OXR1: variants seen among roughly 807,000 people sequenced by gnomAD.
The protein encoded by OXR1 is oxidation resistance 1, also known as oxidation resistance protein 1.
A neutral mutation model predicts 104.6 loss-of-function variants in OXR1; 41 were observed. The ratio of observed to expected loss-of-function variants is 0.39; its 90% CI spans 0.31 to 0.51. The LOEUF is 0.51. OXR1 is among the 20% of genes least tolerant of loss of function. OXR1 has a pLI of 0.77. For missense variants in OXR1, 955 were observed against 1,031.9 expected (o/e 0.93, Z 1.02); for synonymous variants, 348 against 348.4 (o/e 1.00, Z 0.01).
intron 2 of OXR1, among the ~76,000 whole-genome samples, chr8:106,487,302 A>G (rs2510828): frequency 0.11 from 15,982 of 144,948 alleles, 945 homozygotes; most frequent in African/African-American, 0.15. Context: ...GGGATTACAG[A>G]TGTGAGCCAC....
In OXR1 at chr8:106,671,998, TAATAATAAA is replaced by T. The variant is rs1469369295; in HGVS notation, c.221-7210_221-7202del. 2.6e-3 allele frequency among the ~76,000 whole-genome samples: 376 copies of T among 144,376 alleles called. 1 individual carries two copies. Among genetic ancestry groups the T allele is most frequent in the East Asian group, 0.018 (85 of 4,752 alleles). The allele number at this position is 144,376 out of a possible 152,430, so 94.7% of individuals were successfully genotyped here. On this transcript the variant is annotated intron_variant, in intron 3 of 16. Transcript: ENST00000517566. ...ATAATAATAATAATAATAATAATAA[TAATAATAAA>T]AGGCTGTGAGGAGTCAGTAATTCAG... is the stretch of plus-strand genomic sequence containing the variant.
chr8:106,748,422 C>T (rs775081718), intron 16 of OXR1, among the ~76,000 whole-genome samples: 2 of 152,058 alleles, frequency 1.3e-5, no homozygotes, highest in Non-Finnish European at 2.9e-5. Flanking sequence ...AGAACGTCAT[C>T]ACTGGTTATC....
chr8:106,466,912 C>T (rs1353395373), intron 2 of OXR1, among the ~76,000 whole-genome samples: 2 of 151,844 alleles, frequency 1.3e-5, no homozygotes, highest in African/African-American at 2.4e-5. Context: ...TATTGTACAG[C>T]TGATAAATGA....
intron 3 of OXR1, among the ~76,000 whole-genome samples, chr8:106,580,184 A>C (rs994767502): frequency 6.6e-6 from 1 of 152,194 alleles, no homozygotes; most frequent in Non-Finnish European, 1.5e-5. Flanking sequence ...TAATAGTAAA[A>C]GCCATCTCCA....
chr8:106,732,962 C>T (rs907852699), intron 11 of OXR1, among the ~76,000 whole-genome samples: 4 of 152,222 alleles, frequency 2.6e-5, no homozygotes, highest in South Asian at 2.1e-4. Context: ...ATAATTTCTT[C>T]GTAAATGTTT....
At chr8:106,311,133 G>C (rs1813682401) in intron 1 of OXR1, among the ~76,000 whole-genome samples, 1 of 151,784 alleles carries the variant, frequency 6.6e-6, no homozygotes, top group South Asian at 2.1e-4. Flanking sequence ...TTTCTACTTT[G>C]TGAGTGTGAT....
intron 2 of OXR1, among the ~76,000 whole-genome samples, chr8:106,386,116 G>T (rs1332022466): frequency 6.6e-6 from 1 of 152,152 alleles, no homozygotes; most frequent in Non-Finnish European, 1.5e-5. Context: ...CACTCTTAGG[G>T]TATGGTTGGA....
chr8:106,361,060 T>C (rs1199023318), intron 2 of OXR1, among the ~76,000 whole-genome samples: 2 of 152,132 alleles, frequency 1.3e-5, no homozygotes, highest in East Asian at 1.9e-4. Flanking sequence ...TGATGTGATA[T>C]GAGGATATGA....
chr8:106,672,441 C>T (rs753074082), intron 3 of OXR1, among the ~76,000 whole-genome samples: 6 of 150,482 alleles, frequency 4.0e-5, no homozygotes, highest in Admixed American at 1.3e-4. Context: ...GAGCCAAGAT[C>T]GTGCCACTGT....
chr8:106,715,399 T>C (rs1444416414), intron 11 of OXR1, among the ~76,000 whole-genome samples: 2 of 148,094 alleles, frequency 1.4e-5, no homozygotes, highest in Non-Finnish European at 3.0e-5. Flanking sequence ...ATGTAAAATA[T>C]ATATAATATA....
At chr8:106,339,903 TGTA>T (rs569028582) in intron 1 of OXR1, among the ~76,000 whole-genome samples, 1 of 152,228 alleles carries the variant, frequency 6.6e-6, no homozygotes, top group South Asian at 2.1e-4. Context: ...AAGTTTAAAA[TGTA>T]GTAAGCAATA....
At chr8:106,319,554 A>G (rs1354002118) in intron 1 of OXR1, among the ~76,000 whole-genome samples, 1 of 152,222 alleles carries the variant, frequency 6.6e-6, no homozygotes, top group East Asian at 1.9e-4. Flanking sequence ...GGGAATTTTA[A>G]AAGCCCTTTT....
At chr8:106,729,638 C>G (rs139573487) in intron 11 of OXR1, among the ~76,000 whole-genome samples, 1 of 152,048 alleles carries the variant, frequency 6.6e-6, no homozygotes, top group Non-Finnish European at 1.5e-5. Flanking sequence ...GTAAGTGAAA[C>G]ATCTTCTGCT....
chr8:106,625,749 T>TA (rs2130865965), intron 3 of OXR1, among the ~76,000 whole-genome samples: 1 of 152,322 alleles, frequency 6.6e-6, no homozygotes, highest in East Asian at 1.9e-4. Context: ...CTGCATTGTA[T>TA]AATCAATAAT....
At chr8:106,414,646 G>C (rs1192015408) in intron 2 of OXR1, among the ~76,000 whole-genome samples, 2 of 152,094 alleles carry the variant, frequency 1.3e-5, no homozygotes, top group African/African-American at 2.4e-5. Context: ...TGTTAACAAG[G>C]GGAAGCAGTA....
chr8:106,666,780 A>T (rs932490252), intron 3 of OXR1, among the ~76,000 whole-genome samples: 4 of 152,154 alleles, frequency 2.6e-5, no homozygotes, highest in Non-Finnish European at 5.9e-5. Context: ...AGGTAATCAG[A>T]TATCCAGGAT....
chr8:106,694,618 A>G (rs1447894425), intron 7 of OXR1, among the ~76,000 whole-genome samples: 2 of 114,108 alleles, frequency 1.8e-5, no homozygotes, highest in African/African-American at 3.7e-5. Flanking sequence ...ATGTTTATAT[A>G]TATTTGATAT....
intron 1 of OXR1, among the ~76,000 whole-genome samples, chr8:106,293,596 A>G (rs1459851264): frequency 1.3e-5 from 2 of 152,176 alleles, no homozygotes; most frequent in South Asian, 2.1e-4. Flanking sequence ...CTGAGACTGG[A>G]TAATTTATGA....
chr8:106,679,541 C>T (rs1250329550), intron 4 of OXR1, among the ~76,000 whole-genome samples: 2 of 151,770 alleles, frequency 1.3e-5, no homozygotes, highest in Non-Finnish European at 2.9e-5. Flanking sequence ...TGAGAGAGTT[C>T]CCATGGGCCA....
Sources: allele counts gnomAD v4.1 joint callset (sites outside exome capture counted in the v4.1 genomes callset), GRCh38; gene constraint gnomAD v4.1.1; transcripts MANE v1.5; gene names NCBI Gene and HGNC (gene_info 2026-07-23, HGNC 2026-07-21).